Variants in ABRAXAS2 observed in about 807,000 individuals in gnomAD.
The protein encoded by ABRAXAS2 is BRISC complex subunit Abraxas 2.
ABRAXAS2 carries 23 observed loss-of-function variants against 49.0 expected under a neutral mutation model. The ratio of observed to expected loss-of-function variants is 0.47; its 90% CI spans 0.34 to 0.66. The LOEUF is 0.66. ABRAXAS2 is among the 30% of genes least tolerant of loss of function. The pLI is 0.01. For synonymous variants in ABRAXAS2, 168 were observed against 180.2 expected (o/e 0.93, Z 0.54); for missense variants, 443 against 511.9 (o/e 0.87, Z 1.30).
chr10:124,803,927 C>T (rs1230256935), intron 1 of ABRAXAS2, among the ~76,000 whole-genome samples: 1 of 152,136 alleles, frequency 6.6e-6, no homozygotes, highest in African/African-American at 2.4e-5. Flanking sequence ...TTTTAGCTTA[C>T]AGGCCGTACA....
At chr10:124,831,515 A>G (rs1454770483) in intron 8 of ABRAXAS2, 52 bp downstream of exon 8, 1 of 981,120 alleles carries the variant, frequency 1.0e-6, no homozygotes, top group African/African-American at 1.6e-5. Context: ...GTTGTTTTAA[A>G]CATCAGATTA....
At chr10:124,821,743 G>A (rs1451693584) in intron 4 of ABRAXAS2, among the ~76,000 whole-genome samples, 1 of 152,196 alleles carries the variant, frequency 6.6e-6, no homozygotes, top group Non-Finnish European at 1.5e-5. Context: ...TAATGGGGAA[G>A]CAGTAGTTGG....
At chr10:124,816,638 C>T (rs1304561690) in intron 3 of ABRAXAS2, 26 bp downstream of exon 3, 1 of 1,535,482 alleles carries the variant, frequency 6.5e-7, no homozygotes, top group African/African-American at 1.4e-5. Flanking sequence ...GCTTTTAGTC[C>T]TTACTAAAAG....
At chr10:124,808,383 A>G (rs1589802666) in intron 2 of ABRAXAS2, among the ~76,000 whole-genome samples, 2 of 152,050 alleles carry the variant, frequency 1.3e-5, no homozygotes, top group East Asian at 3.9e-4. Context: ...TCACCGTGTT[A>G]GCCAGGACGG....
At chr10:124,803,584 A>T (rs866937726) in intron 1 of ABRAXAS2, among the ~76,000 whole-genome samples, 2 of 152,198 alleles carry the variant, frequency 1.3e-5, no homozygotes, top group South Asian at 2.1e-4. Context: ...GGGAGAAAGC[A>T]TCTATAGACA....
chr10:124,806,211 C>G (rs561006046), intron 1 of ABRAXAS2, among the ~76,000 whole-genome samples: 18 of 150,686 alleles, frequency 1.2e-4, no homozygotes, highest in Non-Finnish European at 2.4e-4. Context: ...GAGGCTGAGA[C>G]AGGAGAATGG....
At position 124,836,451 on chromosome 10, in the gene ABRAXAS2, A is replaced by G. The variant is rs1363111051; in HGVS notation, c.*1480A>G. On this transcript the variant is annotated 3_prime_UTR_variant, in exon 9 of 9. Coordinates refer to ENST00000298492, the MANE Select transcript of ABRAXAS2 (RefSeq NM_032182.4). ...TGCCATTTGATTTAAAACGCTGCAG[A>G]CCACTTTATCTGCAAATGTGTTCCA... is the stretch of plus-strand genomic sequence containing the variant. 5 of 152,260 alleles carry G rather than the reference A, an allele frequency of 3.3e-5. No homozygotes were observed. Among genetic ancestry groups the G allele is most frequent in the African/African-American group, 1.2e-4 (5 of 41,462 alleles). 9.4% of individuals were successfully genotyped at this position (152,260 alleles called of 1,614,324 possible).
chr10:124,825,141 G>A (rs555301473), intron 4 of ABRAXAS2, among the ~76,000 whole-genome samples: 204 of 152,062 alleles, frequency 1.3e-3, no homozygotes, highest in African/African-American at 4.3e-3. Flanking sequence ...AGCCAACATG[G>A]TGAAACCTCA....
At chr10:124,831,310 T>G in intron 7 of ABRAXAS2, 39 bp from the exon 8 acceptor site, 1 of 1,268,590 alleles carries the variant, frequency 7.9e-7, no homozygotes, top group Middle Eastern at 1.9e-4. Context: ...GCCTTGTGCT[T>G]GAACTTGAAG....
At chr10:124,817,581 C>T (rs1479032095) in intron 3 of ABRAXAS2, among the ~76,000 whole-genome samples, 1 of 152,096 alleles carries the variant, frequency 6.6e-6, no homozygotes, top group Non-Finnish European at 1.5e-5. Context: ...ATACAATCAG[C>T]GTTCTTGATC....
In ABRAXAS2 at chr10:124,814,708, G is replaced by A. The variant is rs116913833; in HGVS notation, c.164-1868G>A. On this transcript the variant is annotated intron_variant, in intron 2 of 8. Transcript: ENST00000298492. ...TCTGTCATTCAGGCTGGGGTGTAGC[G>A]ACATGATCTTGGCTCACTGCAACCT... Among the ~76,000 whole-genome samples, 52 of 151,770 alleles carry A rather than the reference G, an allele frequency of 3.4e-4. No homozygotes were observed. The East Asian group carries it at 9.1e-3, about 27-fold the overall frequency.
intron 2 of ABRAXAS2, among the ~76,000 whole-genome samples, chr10:124,815,430 G>A (rs939860589): frequency 6.6e-6 from 1 of 152,076 alleles, no homozygotes; most frequent in African/African-American, 2.4e-5. Context: ...TCCTGACCTC[G>A]CAATCCACCC....
intron 2 of ABRAXAS2, among the ~76,000 whole-genome samples, chr10:124,810,962 G>A (rs1363526798): frequency 1.3e-5 from 2 of 150,190 alleles, no homozygotes; most frequent in African/African-American, 2.4e-5. Flanking sequence ...GCTCACGCCT[G>A]TAATCCCAGC....
chr10:124,805,004 G>A (rs1462371244), intron 1 of ABRAXAS2, among the ~76,000 whole-genome samples: 1 of 152,018 alleles, frequency 6.6e-6, no homozygotes. Context: ...AAGAGCCACC[G>A]TGCCCGGCCT....
At chr10:124,804,666 C>A (rs1950728139) in intron 1 of ABRAXAS2, among the ~76,000 whole-genome samples, 1 of 138,636 alleles carries the variant, frequency 7.2e-6, no homozygotes, top group South Asian at 2.4e-4. Flanking sequence ...TCCTTTGGAT[C>A]TCAGAGAGTT....
chr10:124,803,077 C>T (rs1027997797), intron 1 of ABRAXAS2, among the ~76,000 whole-genome samples: 9 of 152,060 alleles, frequency 5.9e-5, no homozygotes, highest in African/African-American at 1.4e-4. Context: ...AATATAGTTC[C>T]ATATGTAAGG....
At chr10:124,807,266 T>TCGCGC (rs1042236790) in intron 2 of ABRAXAS2, among the ~76,000 whole-genome samples, 1 of 123,636 alleles carries the variant, frequency 8.1e-6, no homozygotes, top group African/African-American at 3.2e-5. Flanking sequence ...TGAGCCGAGA[T>TCGCGC]CGCGCCACTG....
intron 2 of ABRAXAS2, among the ~76,000 whole-genome samples, chr10:124,812,415 T>C (rs1307907341): frequency 6.6e-6 from 1 of 152,098 alleles, no homozygotes; most frequent in Admixed American, 6.6e-5. Flanking sequence ...AAGGCCGTGG[T>C]AGGAGGATTG....
At chr10:124,803,540 G>T (rs1950720576) in intron 1 of ABRAXAS2, among the ~76,000 whole-genome samples, 1 of 152,156 alleles carries the variant, frequency 6.6e-6, no homozygotes, top group Admixed American at 6.5e-5. Flanking sequence ...AAGCCATATG[G>T]TCTCTATAGC....
Sources: allele counts gnomAD v4.1 joint callset (sites outside exome capture counted in the v4.1 genomes callset), GRCh38; gene constraint gnomAD v4.1.1; transcripts MANE v1.5; gene names NCBI Gene and HGNC (gene_info 2026-07-23, HGNC 2026-07-21).